ZFYVE9: variants seen among roughly 807,000 people sequenced by gnomAD.
The protein encoded by ZFYVE9 is zinc finger FYVE domain-containing protein 9.
Under a neutral mutation model 126.7 loss-of-function variants are expected in ZFYVE9, and 43 were observed. The ratio of observed to expected loss-of-function variants is 0.34; its 90% CI spans 0.27 to 0.44. ZFYVE9 has a LOEUF of 0.44. Ranked by LOEUF, ZFYVE9 falls within the 20% of genes least tolerant of loss-of-function variation. ZFYVE9 has a pLI of 1.00. For missense variants in ZFYVE9, 1,476 were observed against 1,697.0 expected (o/e 0.87, Z 2.29); for synonymous variants, 521 against 597.4 (o/e 0.87, Z 1.87).
chr1:52,153,870 T>G (rs1644378349), intron 1 of ZFYVE9, among the ~76,000 whole-genome samples: 1 of 152,200 alleles, frequency 6.6e-6, no homozygotes, highest in African/African-American at 2.4e-5. Flanking sequence ...CCTTTCCACT[T>G]CTTGGTTCTC....
At chr1:52,172,696 C>T (rs1338767205) in intron 1 of ZFYVE9, among the ~76,000 whole-genome samples, 2 of 151,828 alleles carry the variant, frequency 1.3e-5, no homozygotes, top group Non-Finnish European at 1.5e-5. Context: ...GTTTGTAGTT[C>T]TCCTTGAAGA....
At chr1:52,329,256 T>C (rs1007547771) in intron 13 of ZFYVE9, among the ~76,000 whole-genome samples, 1 of 152,200 alleles carries the variant, frequency 6.6e-6, no homozygotes, top group Non-Finnish European at 1.5e-5. Context: ...GTGGATGTTC[T>C]TGAAAAAAGA....
intron 1 of ZFYVE9, among the ~76,000 whole-genome samples, chr1:52,181,984 TC>T (rs1273519379): frequency 6.8e-6 from 1 of 146,826 alleles, no homozygotes; most frequent in Non-Finnish European, 1.5e-5. Flanking sequence ...AGCCGCCCCG[TC>T]CCGGAGGGAG....
At chr1:52,188,469 A>G (rs1341614281) in intron 1 of ZFYVE9, among the ~76,000 whole-genome samples, 1 of 152,200 alleles carries the variant, frequency 6.6e-6, no homozygotes, top group Admixed American at 6.5e-5. Context: ...GTACCCCTGA[A>G]CCTAAAATAT....
chr1:52,303,146 G>A (rs1646051418), intron 12 of ZFYVE9, among the ~76,000 whole-genome samples: 2 of 152,230 alleles, frequency 1.3e-5, no homozygotes, highest in South Asian at 4.2e-4. Flanking sequence ...CCTGGTCTAA[G>A]CTCTCACTAT....
rs1202184165 is a variant in ZFYVE9, at chr1:52,266,825, G to C, written c.2449G>C (p.Ala817Pro). 1 of 1,598,752 alleles carries C rather than the reference G, an allele frequency of 6.3e-7. No individual in the cohort carries two copies. The highest frequency in any genetic ancestry group is 1.1e-5 in the South Asian group (1 of 88,090). Reference sequence around the variant, plus strand: ...TGTGGGAGTTTTAAAGCACCCTGGAGCAGAAGGTAGGGGATCATGTGCTAT... The same window carrying C: ...TGTGGGAGTTTTAAAGCACCCTGGACCAGAAGGTAGGGGATCATGTGCTAT... ...VPVGVLKHPG[A>P]EVAQPREQRR... Residue 817 changes from alanine to proline, a missense_variant, in exon 6 of 19, where the codon GCA becomes CCA. Physicochemically the swap from Ala to Pro is conservative, Grantham distance 27. This residue lies in a region of ZFYVE9 where 669 missense variants were observed against 902.4 expected (regional missense o/e 0.74). Transcript: ENST00000287727.
intron 12 of ZFYVE9, among the ~76,000 whole-genome samples, chr1:52,298,978 T>C (rs1007844240): frequency 1.3e-5 from 2 of 151,946 alleles, no homozygotes; most frequent in African/African-American, 4.8e-5. Flanking sequence ...CTGGCCAATT[T>C]TTTGTACTTT....
intron 17 of ZFYVE9, among the ~76,000 whole-genome samples, chr1:52,342,333 TC>T (rs1646445095): frequency 6.8e-6 from 1 of 147,674 alleles, no homozygotes; most frequent in Admixed American, 6.9e-5. Flanking sequence ...TGGCGCAATC[TC>T]GGCTCACTGC....
At chr1:52,175,341 C>G (rs1644615391) in intron 1 of ZFYVE9, among the ~76,000 whole-genome samples, 1 of 151,424 alleles carries the variant, frequency 6.6e-6, no homozygotes, top group African/African-American at 2.4e-5. Flanking sequence ...CCCCTACTCT[C>G]TTCTGGCTCG....
At chr1:52,314,042 A>C (rs1162185689) in intron 13 of ZFYVE9, among the ~76,000 whole-genome samples, 4 of 152,254 alleles carry the variant, frequency 2.6e-5, no homozygotes, top group Non-Finnish European at 5.9e-5. Context: ...GGACCTAAAA[A>C]ATATTTGAAG....
At chr1:52,270,887 A>T (rs1438783822) in intron 7 of ZFYVE9, among the ~76,000 whole-genome samples, 1 of 152,026 alleles carries the variant, frequency 6.6e-6, no homozygotes, top group African/African-American at 2.4e-5. Flanking sequence ...TTAAAGGATC[A>T]CATCAAGAAG....
At chr1:52,143,096 C>G (rs1300474972) in intron 1 of ZFYVE9, among the ~76,000 whole-genome samples, 1 of 152,162 alleles carries the variant, frequency 6.6e-6, no homozygotes, top group Non-Finnish European at 1.5e-5. Flanking sequence ...TAGATAAACA[C>G]TCACAGTTAT....
At chr1:52,247,863 T>C (rs928310935) in intron 4 of ZFYVE9, among the ~76,000 whole-genome samples, 4 of 152,164 alleles carry the variant, frequency 2.6e-5, no homozygotes, top group African/African-American at 9.7e-5. Context: ...TGACTGCTAT[T>C]CTACCATCTG....
At position 52,346,340 on chromosome 1, in the gene ZFYVE9, A is replaced by G; in HGVS notation, c.*119A>G. 3.3e-6 allele frequency: 1 copy of G among 306,364 alleles called. No homozygotes were observed. Among genetic ancestry groups the G allele is most frequent in the Non-Finnish European group, 6.5e-6 (1 of 154,676 alleles). 19.0% of individuals were successfully genotyped at this position (306,364 alleles called of 1,614,324 possible). A position where few individuals can be genotyped will look rare whatever the true frequency, so the allele number is the denominator to read the frequency against. On this transcript the variant is annotated 3_prime_UTR_variant, in exon 19 of 19. Transcript: ENST00000287727. ...GTTAACACTATTAATGGGGTGGGGA[A>G]TAGGGTGGGAGTGGGGGTTTGGGAG...
chr1:52,143,500 T>TG (rs1644280336), intron 1 of ZFYVE9, among the ~76,000 whole-genome samples: 1 of 152,174 alleles, frequency 6.6e-6, no homozygotes, highest in South Asian at 2.1e-4. Flanking sequence ...GTAGAAAACT[T>TG]GGGAATTATA....
At chr1:52,172,410 A>G (rs1351941646) in intron 1 of ZFYVE9, among the ~76,000 whole-genome samples, 1 of 152,164 alleles carries the variant, frequency 6.6e-6, no homozygotes, top group Non-Finnish European at 1.5e-5. Context: ...GTAGCCTTGT[A>G]GTATAGTTTG....
chr1:52,283,075 C>G (rs1645820398), intron 10 of ZFYVE9, among the ~76,000 whole-genome samples: 1 of 152,136 alleles, frequency 6.6e-6, no homozygotes, highest in Non-Finnish European at 1.5e-5. Flanking sequence ...AATGTTTACC[C>G]TGTCTGTTCC....
chr1:52,208,998 A>G (rs1162019095), intron 1 of ZFYVE9, among the ~76,000 whole-genome samples: 2 of 152,242 alleles, frequency 1.3e-5, no homozygotes, highest in Non-Finnish European at 1.5e-5. Context: ...TTGATTTACA[A>G]GTAGTGAGCA....
intron 2 of ZFYVE9, among the ~76,000 whole-genome samples, chr1:52,218,701 T>C (rs947655117): frequency 2.6e-5 from 4 of 152,224 alleles, no homozygotes; most frequent in Admixed American, 1.3e-4. Context: ...AACTGGTTTC[T>C]ATGGCTAGGG....
Sources: allele counts gnomAD v4.1 joint callset (sites outside exome capture counted in the v4.1 genomes callset), GRCh38; gene constraint gnomAD v4.1.1; regional missense constraint gnomAD v4.1.1; transcripts MANE v1.5; gene names NCBI Gene and HGNC (gene_info 2026-07-23, HGNC 2026-07-21).